CYTH1: variants seen among roughly 807,000 people sequenced by gnomAD.
CYTH1 encodes the protein cytohesin 1, also known as cytohesin-1.
In CYTH1, 18 loss-of-function variants were observed where a neutral mutation model predicts 61.8. That is an observed-to-expected ratio of 0.29 (90% CI 0.20 to 0.43). CYTH1 has a LOEUF of 0.43. CYTH1 is among the 20% of genes least tolerant of loss of function. The pLI, the probability that CYTH1 is intolerant of heterozygous loss-of-function variation, is 1.00. For missense variants in CYTH1, 336 were observed against 510.5 expected, an observed-to-expected ratio of 0.66 and a Z score of 3.29; for synonymous variants, 174 against 184.3, an observed-to-expected ratio of 0.94 and a Z score of 0.45.
chr17:78,767,361 A>C (rs1377350098), intron 1 of CYTH1, among the ~76,000 whole-genome samples: 1 of 152,186 alleles, frequency 6.6e-6, no homozygotes, highest in East Asian at 1.9e-4. Flanking sequence ...GTGAAAGCTG[A>C]AAGTCCCCAG....
intron 1 of CYTH1, among the ~76,000 whole-genome samples, chr17:78,753,773 C>A (rs535460687): frequency 7.2e-5 from 11 of 152,342 alleles, no homozygotes; most frequent in African/African-American, 2.4e-4. Flanking sequence ...TCTATCTCAT[C>A]TGGGGACATC....
chr17:78,782,126 G>T, intron 1 of CYTH1, 76 bp downstream of exon 1: 2 of 1,192,936 alleles, frequency 1.7e-6, no homozygotes, highest in Non-Finnish European at 2.1e-6. Context: ...GCCGCCGCAA[G>T]CGCTGCCGGA....
chr17:78,770,368 A>G (rs1185485613), intron 1 of CYTH1, among the ~76,000 whole-genome samples: 1 of 142,072 alleles, frequency 7.0e-6, no homozygotes, highest in South Asian at 2.3e-4. Context: ...AAAAAAAAAA[A>G]CAAAGAAATC....
chr17:78,781,195 T>A (rs1295684929), intron 1 of CYTH1, among the ~76,000 whole-genome samples: 1 of 145,114 alleles, frequency 6.9e-6, no homozygotes, highest in Non-Finnish European at 1.5e-5. Flanking sequence ...AAGAAAAATG[T>A]CCCATTAGTT....
At chr17:78,772,140 G>A (rs1315302346) in intron 1 of CYTH1, among the ~76,000 whole-genome samples, 1 of 152,144 alleles carries the variant, frequency 6.6e-6, no homozygotes, top group Non-Finnish European at 1.5e-5. Context: ...ACAGGTTCAG[G>A]CAAAGTTCTT....
intron 3 of CYTH1, among the ~76,000 whole-genome samples, chr17:78,703,750 C>T (rs900840092): frequency 2.0e-5 from 3 of 152,188 alleles, no homozygotes; most frequent in Non-Finnish European, 2.9e-5. Context: ...GGTGCTGGAG[C>T]GTGGGCCAGT....
chr17:78,715,565 T>G (rs536465886), intron 1 of CYTH1, among the ~76,000 whole-genome samples: 12 of 152,150 alleles, frequency 7.9e-5, no homozygotes, highest in Non-Finnish European at 1.5e-4. Flanking sequence ...AACCAGAGAA[T>G]GAAGGAGAAA....
At chr17:78,734,296 AAAT>A (rs1486308756) in intron 1 of CYTH1, among the ~76,000 whole-genome samples, 1 of 152,100 alleles carries the variant, frequency 6.6e-6, no homozygotes, top group Non-Finnish European at 1.5e-5. Flanking sequence ...AAATAGCTAA[AAAT>A]AATAATAACT....
chr17:78,762,507 T>C (rs981591203), intron 1 of CYTH1, among the ~76,000 whole-genome samples: 4 of 152,192 alleles, frequency 2.6e-5, no homozygotes, highest in East Asian at 3.8e-4. Context: ...GGTAGATGTA[T>C]AGATGTAGTC....
In CYTH1 at chr17:78,700,709, G is replaced by A. The variant is rs1341782098; in HGVS notation, c.438-266C>T. On this transcript the variant is annotated intron_variant, in intron 6 of 13. Transcript: ENST00000446868. This position sits in a 1 kb window ranked among gnomAD's most constrained non-coding sequence, Gnocchi z 5.1. ...CGGCTAATTTTTTGTATTTTTAGTAGAGACGGGGTTTCACCATGCTGGCCA... is the reference window on the plus strand; with the variant it reads ...CGGCTAATTTTTTGTATTTTTAGTAAAGACGGGGTTTCACCATGCTGGCCA... Among the ~76,000 whole-genome samples the A allele has an allele frequency of 2.0e-5, 3 of 152,020 alleles. No individual in the cohort carries two copies. Among genetic ancestry groups the A allele is most frequent in the African/African-American group, 7.3e-5 (3 of 41,368 alleles).
intron 1 of CYTH1, among the ~76,000 whole-genome samples, chr17:78,769,942 G>T (rs2093463865): frequency 6.6e-6 from 1 of 152,080 alleles, no homozygotes; most frequent in South Asian, 2.1e-4. Context: ...ACGAGGTCAG[G>T]AGATAGACGC....
At chr17:78,710,487 A>G (rs974703078) in intron 1 of CYTH1, among the ~76,000 whole-genome samples, 2 of 152,164 alleles carry the variant, frequency 1.3e-5, no homozygotes, top group African/African-American at 4.8e-5. Context: ...GGAGATTTGG[A>G]CAGACACCCT....
intron 11 of CYTH1, chr17:78,691,125 A>G (rs914778468): frequency 6.6e-6 from 1 of 152,232 alleles, no homozygotes; most frequent in Non-Finnish European, 1.5e-5. Context: ...AAAAGACTAT[A>G]ACAACAGAAA....
At chr17:78,762,197 G>A (rs985413054) in intron 1 of CYTH1, among the ~76,000 whole-genome samples, 6 of 152,158 alleles carry the variant, frequency 3.9e-5, no homozygotes, top group Admixed American at 6.6e-5. Flanking sequence ...TAAGAACAGA[G>A]AGCAACAACA....
intron 13 of CYTH1, chr17:78,676,760 C>T: frequency 2.9e-6 from 1 of 344,994 alleles, no homozygotes; most frequent in Non-Finnish European, 5.7e-6. Context: ...GGGAGGGGGC[C>T]CGAGCTCATG....
intron 1 of CYTH1, among the ~76,000 whole-genome samples, chr17:78,721,109 C>T (rs145029029): frequency 0.024 from 3,686 of 152,252 alleles, 155 homozygotes; most frequent in African/African-American, 0.085. Flanking sequence ...GCAGGTGGAT[C>T]ACCTGAGGTC....
At chr17:78,763,497 T>G (rs1284018939) in intron 1 of CYTH1, among the ~76,000 whole-genome samples, 1 of 152,078 alleles carries the variant, frequency 6.6e-6, no homozygotes, top group Non-Finnish European at 1.5e-5. Flanking sequence ...CCACAAATAG[T>G]AGTGAACCCT....
In CYTH1 at chr17:78,676,064, C is replaced by G; in HGVS notation, c.*27G>C. 2 of 1,590,786 alleles carry G rather than the reference C, an allele frequency of 1.3e-6. No homozygotes were observed. The highest frequency in any genetic ancestry group is 1.7e-6 in the Non-Finnish European group (2 of 1,168,410). On this transcript the variant is annotated 3_prime_UTR_variant, in exon 14 of 14. Coordinates refer to ENST00000446868, the MANE Select transcript of CYTH1 (RefSeq NM_004762.6). ...AGAAGAGCAGGAGCTCCAAGGCCCC[C>G]GCAGACCAACGCCCTTGGCTGCACG...
At chr17:78,677,330 G>A (rs2092711368) in intron 13 of CYTH1, 1 of 279,294 alleles carries the variant, frequency 3.6e-6, no homozygotes, top group Non-Finnish European at 7.1e-6. Flanking sequence ...CCTGTGTGCA[G>A]AGGCAGAGTG....
Sources: allele counts gnomAD v4.1 joint callset (sites outside exome capture counted in the v4.1 genomes callset), GRCh38; gene constraint gnomAD v4.1.1; non-coding constraint Gnocchi (gnomAD v3.1); transcripts MANE v1.5; gene names NCBI Gene and HGNC (gene_info 2026-07-23, HGNC 2026-07-21).